VPS13B: variants seen among roughly 807,000 people sequenced by gnomAD.
VPS13B encodes intermembrane lipid transfer protein VPS13B.
A neutral mutation model predicts 426.4 loss-of-function variants in VPS13B; 285 were observed. The observed-to-expected ratio is 0.67, with a 90% CI of 0.61 to 0.74. The LOEUF is 0.74. Ranked by LOEUF, VPS13B falls within the 30% of genes least tolerant of loss-of-function variation. The pLI is 0.00. For synonymous variants in VPS13B, 1,676 were observed against 1,676.4 expected (o/e 1.00, Z 0.01); for missense variants, 4,537 against 4,782.6 (o/e 0.95, Z 1.51).
intron 3 of VPS13B, among the ~76,000 whole-genome samples, chr8:99,065,860 TAAC>T (rs1844466121): frequency 6.6e-6 from 1 of 151,968 alleles, no homozygotes; most frequent in African/African-American, 2.4e-5. Context: ...TATACACTAA[TAAC>T]AGACAGAGAG....
At chr8:99,867,215 CTTCT>C (rs1468888519) in intron 58 of VPS13B, among the ~76,000 whole-genome samples, 1 of 152,132 alleles carries the variant, frequency 6.6e-6, no homozygotes, top group Non-Finnish European at 1.5e-5. Context: ...GAAATTTTCC[CTTCT>C]TTCTGAGATA....
chr8:99,041,714 G>A (rs1215214866), intron 3 of VPS13B, among the ~76,000 whole-genome samples: 3 of 152,064 alleles, frequency 2.0e-5, no homozygotes, highest in South Asian at 2.1e-4. Flanking sequence ...TTAGCTGGGC[G>A]TGGTGGCCGG....
intron 24 of VPS13B, among the ~76,000 whole-genome samples, chr8:99,473,149 G>A (rs1022097495): frequency 5.3e-5 from 8 of 151,900 alleles, no homozygotes; most frequent in African/African-American, 1.7e-4. Flanking sequence ...TGCCCAACTG[G>A]TTTTATGAAG....
At chr8:99,584,226 C>G (rs1232070440) in intron 33 of VPS13B, among the ~76,000 whole-genome samples, 1 of 152,208 alleles carries the variant, frequency 6.6e-6, no homozygotes, top group South Asian at 2.1e-4. Flanking sequence ...ACTCTCACAT[C>G]TGTCACAATT....
intron 7 of VPS13B, among the ~76,000 whole-genome samples, chr8:99,116,833 T>C (rs1366992970): frequency 1.3e-5 from 2 of 152,194 alleles, no homozygotes; most frequent in East Asian, 3.8e-4. Context: ...TTAAGTTGAA[T>C]TGAGTTATTT....
At chr8:99,154,153 T>TTG (rs964491820) in intron 14 of VPS13B, among the ~76,000 whole-genome samples, 25 of 149,522 alleles carry the variant, frequency 1.7e-4, no homozygotes, top group African/African-American at 5.3e-4. Context: ...TATGTAGGTT[T>TTG]TTTTTGTTTT....
At chr8:99,652,208 C>A (rs1016734456) in intron 34 of VPS13B, among the ~76,000 whole-genome samples, 2 of 152,106 alleles carry the variant, frequency 1.3e-5, no homozygotes, top group Non-Finnish European at 2.9e-5. Flanking sequence ...TTAGACCTCT[C>A]GGTACTAAGT....
In VPS13B at chr8:99,784,317, C is replaced by T; in HGVS notation, c.7782C>T (p.Asn2594=). The part of the protein sequence containing the change: ...LNTAIQAWQQ[N]KCPEVEELVF... ...CTTTCGTATCCTTTTTCTTTCAGAA[C>T]AAATGCCCTGAGGTAGAGGAGTTGG... The change falls in exon 43 of 62, where the codon AAC becomes AAT. Residue 2594 remains asparagine (N), a splice_region_variant and synonymous_variant. Coordinates refer to ENST00000357162, the MANE Select transcript of VPS13B (RefSeq NM_152564.5). 6.2e-7 allele frequency: 1 copy of T among 1,613,602 alleles called. No homozygotes were observed. Among genetic ancestry groups the T allele is most frequent in the Non-Finnish European group, 8.5e-7 (1 of 1,179,636 alleles).
rs115605222 is a variant in VPS13B, at chr8:99,616,080, G to T, written c.5221-25731G>T. ...AGGCCCCAGGAATTTGTAGTTTGAT[G>T]AGCATACCACATGATTATTATTATC... On this transcript the variant is annotated intron_variant, in intron 33 of 61. Transcript: ENST00000357162. 1.0e-2 allele frequency among the ~76,000 whole-genome samples: 1,518 copies of T among 152,186 alleles called. 34 individuals carry two copies. The highest frequency in any genetic ancestry group is 0.035 in the African/African-American group (1,455 of 41,512).
chr8:99,810,694 A>G (rs1017374728), intron 44 of VPS13B, among the ~76,000 whole-genome samples: 5 of 152,262 alleles, frequency 3.3e-5, no homozygotes, highest in Non-Finnish European at 5.9e-5. Flanking sequence ...AACACCAAGT[A>G]TGTGAAACAG....
chr8:99,437,392 A>C (rs759932048), intron 22 of VPS13B, among the ~76,000 whole-genome samples: 1 of 151,192 alleles, frequency 6.6e-6, no homozygotes, highest in Non-Finnish European at 1.5e-5. Context: ...AGTCTTGGAC[A>C]GTCTTTTTTT....
chr8:99,619,532 T>G (rs949255933), intron 33 of VPS13B, among the ~76,000 whole-genome samples: 14 of 152,306 alleles, frequency 9.2e-5, no homozygotes, highest in African/African-American at 2.9e-4. Context: ...GTTCCTTAAC[T>G]GCTCTTCTAT....
intron 3 of VPS13B, among the ~76,000 whole-genome samples, chr8:99,082,926 G>T (rs1845563520): frequency 6.6e-6 from 1 of 152,152 alleles, no homozygotes; most frequent in South Asian, 2.1e-4. Flanking sequence ...TTTTGCTTAG[G>T]ATTGACTTGG....
rs189927193 is a variant in VPS13B at position 99,549,343 on chromosome 8, G to A, written c.4746-7107G>A. ...TTGTTTCTTTTTAGAATCCTAGTAC[G>A]TGCTTTATCCAGCTAAGTCTGTCTT... On this transcript the variant is annotated intron_variant, in intron 30 of 61. Transcript: ENST00000357162. 2.9e-3 allele frequency among the ~76,000 whole-genome samples: 437 copies of A among 152,158 alleles called. 2 individuals are homozygous for A. Among genetic ancestry groups the A allele is most frequent in the Non-Finnish European group, 4.4e-3 (300 of 67,986 alleles).
intron 3 of VPS13B, among the ~76,000 whole-genome samples, chr8:99,091,066 A>G (rs1846119519): frequency 6.6e-6 from 1 of 152,138 alleles, no homozygotes; most frequent in South Asian, 2.1e-4. Flanking sequence ...AATTTCTCTG[A>G]TATATGTTCT....
At chr8:99,518,841 C>T (rs1822226588) in intron 29 of VPS13B, among the ~76,000 whole-genome samples, 1 of 152,072 alleles carries the variant, frequency 6.6e-6, no homozygotes, top group Non-Finnish European at 1.5e-5. Context: ...CTTTGGGCAC[C>T]ACAGTTTGGG....
chr8:99,018,588 TATTTCATTTC>T (rs1305538697), intron 2 of VPS13B, among the ~76,000 whole-genome samples: 1 of 152,232 alleles, frequency 6.6e-6, no homozygotes, highest in African/African-American at 2.4e-5. Context: ...TTGTATCTTT[TATTTCATTTC>T]ATTTCATTAT....
intron 14 of VPS13B, among the ~76,000 whole-genome samples, chr8:99,148,471 G>T (rs1429661071): frequency 6.6e-6 from 1 of 151,782 alleles, no homozygotes; most frequent in Non-Finnish European, 1.5e-5. Flanking sequence ...TTTTTAAAAT[G>T]TAATTTTAAA....
intron 43 of VPS13B, among the ~76,000 whole-genome samples, chr8:99,785,789 G>GT (rs1260080495): frequency 6.6e-6 from 1 of 152,054 alleles, no homozygotes; most frequent in Non-Finnish European, 1.5e-5. Context: ...CACCTAGAGA[G>GT]AACTCATGTT....
Sources: gnomAD v4.1 joint callset for allele counts (sites outside exome capture counted in the v4.1 genomes callset) on GRCh38, gnomAD v4.1.1 for gene constraint, MANE v1.5 for transcripts, NCBI Gene and HGNC (gene_info 2026-07-23, HGNC 2026-07-21) for gene names.